The following MED24 variants were observed in gnomAD, a reference collection of about 807,000 sequenced individuals.
MED24 encodes the protein mediator of RNA polymerase II transcription subunit 24.
In MED24, 74 loss-of-function variants were observed where a neutral mutation model predicts 118.8. The observed-to-expected ratio is 0.62, with a 90% CI of 0.52 to 0.76. The LOEUF is 0.76. Ranked by LOEUF, MED24 falls within the 30% of genes least tolerant of loss-of-function variation. The pLI is 0.00. For synonymous variants in MED24, 521 were observed against 523.9 expected (o/e 0.99, Z 0.08); for missense variants, 1,041 against 1,278.9 (o/e 0.81, Z 2.84).
rs546073060 is a variant in MED24 at position 40,033,542 on chromosome 17, C to T, written c.560-86G>A. On this transcript the variant is annotated intron_variant, in intron 6 of 25. Transcript: ENST00000394128. The surrounding 1 kb of genome is among the most constrained non-coding windows in gnomAD (Gnocchi z 5.2). ...CCTGAACTCCTCGATTTTGGCACTC[C>T]CTCCGGCACACGAAACCACACAGGA... 52 of 1,066,490 alleles carry T rather than the reference C, an allele frequency of 4.9e-5. 1 individual carries two copies. The South Asian group carries it at 5.1e-4, about 11-fold the overall frequency. The allele number at this position is 1,066,490 out of a possible 1,614,324, so 66.1% of individuals were successfully genotyped here.
At chr17:40,053,809 T>C in intron 1 of MED24, 174 bp from the exon 2 acceptor site, 3 of 819,278 alleles carry the variant, frequency 3.7e-6, no homozygotes, top group South Asian at 1.8e-5. Context: ...TCTCTCCTCC[T>C]GAACCGCCCT....
At chr17:40,020,394 C>T (rs764047993) in intron 23 of MED24, 41 bp from the exon 24 acceptor site, 59 of 1,563,562 alleles carry the variant, frequency 3.8e-5, no homozygotes, top group Middle Eastern at 1.7e-4. Context: ...AACAGCCTGC[C>T]GAGTGCAAAA....
At chr17:40,048,841 C>T (rs1274077762) in intron 3 of MED24, among the ~76,000 whole-genome samples, 2 of 152,076 alleles carry the variant, frequency 1.3e-5, no homozygotes, top group African/African-American at 4.8e-5. Flanking sequence ...AGGCAGGAGC[C>T]ACCATGCCTG....
At chr17:40,030,436 C>T (rs977790838) in intron 12 of MED24, among the ~76,000 whole-genome samples, 1 of 151,958 alleles carries the variant, frequency 6.6e-6, no homozygotes, top group African/African-American at 2.4e-5. Flanking sequence ...GCTGGAATTA[C>T]AGGTGCATAC....
rs1983669312 is a variant in MED24, at chr17:40,033,952, A to G, written c.560-496T>C. Among the ~76,000 whole-genome samples, 1 of 150,776 alleles carries G rather than the reference A, an allele frequency of 6.6e-6. No individual in the cohort carries two copies. Among genetic ancestry groups the G allele is most frequent in the Non-Finnish European group, 1.5e-5 (1 of 67,738 alleles). ...CTCCCCTGCTGAAGGCCTCTTACAC[A>G]CTCTCTCTCAAACTCCCACCATGCT... On this transcript the variant is annotated intron_variant, in intron 6 of 25. Transcript: ENST00000394128. This position sits in a 1 kb window ranked among gnomAD's most constrained non-coding sequence, Gnocchi z 5.2.
intron 23 of MED24, among the ~76,000 whole-genome samples, chr17:40,020,908 A>T (rs1016591844): frequency 2.0e-5 from 3 of 152,072 alleles, no homozygotes; most frequent in Non-Finnish European, 4.4e-5. Context: ...CCCCGTCTCT[A>T]CTAAAAATAC....
At chr17:40,020,876 C>G (rs1252983270) in intron 23 of MED24, among the ~76,000 whole-genome samples, 1 of 152,088 alleles carries the variant, frequency 6.6e-6, no homozygotes, top group East Asian at 1.9e-4. Context: ...AGTTCGAGAC[C>G]AGCCTGACCA....
At chr17:40,026,485 C>G in intron 18 of MED24, 154 bp from the exon 19 acceptor site, 1 of 1,180,326 alleles carries the variant, frequency 8.5e-7, no homozygotes, top group Non-Finnish European at 1.2e-6. Context: ...CCAGAGCTAC[C>G]TGGGCCAGAG....
At chr17:40,043,793 AG>A (rs1984811654) in intron 3 of MED24, among the ~76,000 whole-genome samples, 1 of 151,090 alleles carries the variant, frequency 6.6e-6, no homozygotes, top group Non-Finnish European at 1.5e-5. Flanking sequence ...CAGGAGGCTG[AG>A]GCAGGAGAAT....
Position 40,033,046 on chromosome 17 carries a change from C to T in MED24, c.822+10G>A, listed in dbSNP as rs367802579. 270 of 1,613,354 alleles carry T rather than the reference C, an allele frequency of 1.7e-4. No individual in the cohort carries two copies. Among genetic ancestry groups the T allele is most frequent in the Non-Finnish European group, 2.2e-4 (263 of 1,179,928 alleles). ...CCTTGGAGAAGGGAGAGCCACTCGGCCCCTCCCACCTGCATGCGCTTCACC... is the reference window on the plus strand; with the variant it reads ...CCTTGGAGAAGGGAGAGCCACTCGGTCCCTCCCACCTGCATGCGCTTCACC... On this transcript the variant is annotated intron_variant, in intron 8 of 25. Transcript: ENST00000394128. This position sits in a 1 kb window ranked among gnomAD's most constrained non-coding sequence, Gnocchi z 5.2.
At chr17:40,030,491 T>C (rs566952911) in intron 12 of MED24, among the ~76,000 whole-genome samples, 192 of 152,052 alleles carry the variant, frequency 1.3e-3, no homozygotes, top group African/African-American at 4.2e-3. Flanking sequence ...AGATGGGGTT[T>C]CACCACGTTG....
chr17:40,020,356 G>A lies in MED24; in HGVS notation c.2624-3C>T, dbSNP rs1192425739. The A allele has an allele frequency of 6.3e-7, 1 of 1,594,098 alleles. No individual in the cohort carries two copies. Among genetic ancestry groups the A allele is most frequent in the African/African-American group, 1.3e-5 (1 of 74,792 alleles). On this transcript the variant is annotated splice_region_variant and splice_polypyrimidine_tract_variant and intron_variant, in intron 23 of 25. Transcript: ENST00000394128. ...GGAGCTGCTCATGGATCGGTCTGCT[G>A]TGGGACGGAGCAGATGGAGCGCTGG...
At chr17:40,027,498 C>G (rs1598340657) in intron 15 of MED24, 33 bp from the exon 16 acceptor site, 1 of 1,576,652 alleles carries the variant, frequency 6.3e-7, no homozygotes, top group African/African-American at 1.4e-5. Flanking sequence ...AGCTCCCAGA[C>G]GAGGGCAGGG....
chr17:40,026,632 G>C lies in MED24; in HGVS notation c.1809+15C>G, dbSNP rs750212516. 6.3e-7 allele frequency: 1 copy of C among 1,594,402 alleles called. No homozygotes were observed. Reference sequence around the variant, plus strand: ...TGTCTCAGGGGAGCAAACGCTGCTGGGAAGGCGGGGCTACCTGGATGGACT... The same window carrying C: ...TGTCTCAGGGGAGCAAACGCTGCTGCGAAGGCGGGGCTACCTGGATGGACT... On this transcript the variant is annotated intron_variant, in intron 18 of 25. Transcript: ENST00000394128.
At position 40,031,273 on chromosome 17, in the gene MED24, C is replaced by T. The variant is rs1430905566; in HGVS notation, c.1068-28G>A. The T allele has an allele frequency of 3.2e-6, 5 of 1,546,406 alleles. No homozygotes were observed. The Admixed American group carries it at 5.9e-5, about 18-fold the overall frequency. ...GTGAGGGAGAAAGATGCTGAGGGAA[C>T]TGGGCACCTGGATAGGATGGTGAGG... On this transcript the variant is annotated intron_variant, in intron 11 of 25. Transcript: ENST00000394128.
chr17:40,051,721 G>A (rs1337203754), intron 3 of MED24, among the ~76,000 whole-genome samples: 9 of 151,554 alleles, frequency 5.9e-5, no homozygotes, highest in South Asian at 2.1e-4. Context: ...TCAGGAGTTC[G>A]AGACCAGCCT....
chr17:40,022,964 C>T, intron 20 of MED24, 138 bp from the exon 21 acceptor site: 4 of 1,341,056 alleles, frequency 3.0e-6, no homozygotes, highest in Non-Finnish European at 4.0e-6. Flanking sequence ...CAGGCTGAAT[C>T]CCAGTCTCTG....
intron 14 of MED24, 55 bp from the exon 15 acceptor site, chr17:40,028,001 G>T: frequency 6.4e-7 from 1 of 1,558,124 alleles, no homozygotes. Flanking sequence ...AGCAGTAGCT[G>T]GGCGCTGGGG....
At chr17:40,030,320 G>C (rs1015707999) in intron 12 of MED24, among the ~76,000 whole-genome samples, 1 of 149,652 alleles carries the variant, frequency 6.7e-6, no homozygotes, top group African/African-American at 2.5e-5. Context: ...TTTTGAGACA[G>C]AGTCTCGCTC....
Sources: allele counts gnomAD v4.1 joint callset (sites outside exome capture counted in the v4.1 genomes callset), GRCh38; gene constraint gnomAD v4.1.1; non-coding constraint Gnocchi (gnomAD v3.1); transcripts MANE v1.5; gene names NCBI Gene and HGNC (gene_info 2026-07-23, HGNC 2026-07-21).